The following RNF150 variants were observed in gnomAD, a reference collection of about 807,000 sequenced individuals.
RNF150 encodes ring finger protein 150.
A neutral mutation model predicts 39.3 loss-of-function variants in RNF150; 24 were observed. That is an observed-to-expected ratio of 0.61 (90% CI 0.44 to 0.86). RNF150 has a LOEUF of 0.86. Ranked by LOEUF, RNF150 falls within the 40% of genes least tolerant of loss-of-function variation. RNF150 has a pLI of 0.00. For synonymous variants in RNF150, 255 were observed against 227.3 expected (o/e 1.12, Z -1.10); for missense variants, 502 against 587.8 (o/e 0.85, Z 1.51).
At chr4:141,196,611 A>C (rs1397247777) in intron 1 of RNF150, among the ~76,000 whole-genome samples, 1 of 152,192 alleles carries the variant, frequency 6.6e-6, no homozygotes, top group East Asian at 1.9e-4. Context: ...AGTTAGAAAG[A>C]GTTGGTATTT....
intron 1 of RNF150, among the ~76,000 whole-genome samples, chr4:141,204,026 C>A (rs1728336461): frequency 6.6e-6 from 1 of 152,086 alleles, no homozygotes; most frequent in Non-Finnish European, 1.5e-5. Flanking sequence ...CATTCAGGAA[C>A]TGAAAGCAGC....
At position 141,196,765 on chromosome 4, in the gene RNF150, T is replaced by C. The variant is rs186901742; in HGVS notation, c.-6+16029A>G. Among the ~76,000 whole-genome samples, 10 of 152,286 alleles carry C rather than the reference T, an allele frequency of 6.6e-5. No homozygotes were observed. In the East Asian group the frequency reaches 1.9e-3, roughly 29 times the overall value. On this transcript the variant is annotated intron_variant, in intron 1 of 7. Transcript: ENST00000420921. ...AAGATATGCATTTTAGTATCCCCTT[T>C]AGCTTTAAAGATTGACCCTTTTAAT...
chr4:141,058,526 T>G (rs538374827), intron 1 of RNF150, among the ~76,000 whole-genome samples: 1 of 152,308 alleles, frequency 6.6e-6, no homozygotes, highest in African/African-American at 2.4e-5. Context: ...TTGCCGAATA[T>G]TCCACCTTCA....
At chr4:141,057,816 C>T (rs113927423) in intron 1 of RNF150, among the ~76,000 whole-genome samples, 6 of 152,208 alleles carry the variant, frequency 3.9e-5, no homozygotes, top group Non-Finnish European at 5.9e-5. Flanking sequence ...CCTGTCCCAT[C>T]GATAAGACCA....
At chr4:141,148,399 T>TGTCA (rs774665939) in intron 1 of RNF150, among the ~76,000 whole-genome samples, 2 of 152,222 alleles carry the variant, frequency 1.3e-5, no homozygotes, top group Non-Finnish European at 2.9e-5. Context: ...TTTTTATTTC[T>TGTCA]GTCAGTAACT....
In RNF150 at chr4:140,909,528, G is replaced by A. The variant is rs1210098716; in HGVS notation, c.1198+1616C>T. Reference sequence around the variant, plus strand: ...AAACATTCTGAAACATGCTGTAAGTGTAAATGAAATACACACCAGATTCTG... The same window carrying A: ...AAACATTCTGAAACATGCTGTAAGTATAAATGAAATACACACCAGATTCTG... On this transcript the variant is annotated intron_variant, in intron 6 of 6. Transcript: ENST00000515673. Among the ~76,000 whole-genome samples, 3 of 151,350 alleles carry A rather than the reference G, an allele frequency of 2.0e-5. No homozygotes were observed. In the Admixed American group the frequency reaches 2.0e-4, roughly 10 times the overall value.
intron 1 of RNF150, among the ~76,000 whole-genome samples, chr4:141,208,515 G>A (rs1358595831): frequency 1.3e-5 from 2 of 152,184 alleles, no homozygotes; most frequent in African/African-American, 2.4e-5. Flanking sequence ...ACCCTGTCAG[G>A]ATATTTTTTC....
intron 5 of RNF150, among the ~76,000 whole-genome samples, chr4:140,918,634 G>T (rs12331146): frequency 0.55 from 82,983 of 150,924 alleles, 23,299 homozygotes; most frequent in East Asian, 0.89. Flanking sequence ...CATTCCTTCT[G>T]AAACTATTCC....
chr4:141,005,601 T>C (rs960120344), intron 1 of RNF150, among the ~76,000 whole-genome samples: 6 of 152,002 alleles, frequency 3.9e-5, no homozygotes, highest in Non-Finnish European at 8.8e-5. Context: ...ACTGCACAAG[T>C]ACTTAGAATA....
At chr4:140,985,368 C>A (rs1420955825) in intron 1 of RNF150, among the ~76,000 whole-genome samples, 1 of 152,094 alleles carries the variant, frequency 6.6e-6, no homozygotes, top group Non-Finnish European at 1.5e-5. Context: ...AACTGCCTAT[C>A]TGAAGGGAGA....
chr4:140,878,039 G>A (rs1729225205), intron 6 of RNF150, among the ~76,000 whole-genome samples: 2 of 152,098 alleles, frequency 1.3e-5, no homozygotes, highest in South Asian at 4.1e-4. Context: ...TGGTTTCAAT[G>A]AGATCAGAGG....
intron 1 of RNF150, among the ~76,000 whole-genome samples, chr4:141,016,147 G>A (rs945032488): frequency 1.3e-5 from 2 of 151,870 alleles, no homozygotes; most frequent in Non-Finnish European, 2.9e-5. Context: ...TACTGCGTCC[G>A]TCCCTGACAA....
At chr4:141,029,983 T>G (rs1430121599) in intron 1 of RNF150, among the ~76,000 whole-genome samples, 1 of 151,672 alleles carries the variant, frequency 6.6e-6, no homozygotes, top group Non-Finnish European at 1.5e-5. Context: ...GATCACAAGG[T>G]CAGGAGATGG....
intron 1 of RNF150, among the ~76,000 whole-genome samples, chr4:141,089,286 A>G (rs1203366023): frequency 6.6e-6 from 1 of 152,100 alleles, no homozygotes. Context: ...TAGGATTCCT[A>G]CTACTATTGC....
At chr4:141,093,484 G>A (rs1738671520) in intron 1 of RNF150, among the ~76,000 whole-genome samples, 1 of 152,158 alleles carries the variant, frequency 6.6e-6, no homozygotes, top group African/African-American at 2.4e-5. Flanking sequence ...AGAAGAGTTA[G>A]CAGTTGGGGT....
intron 1 of RNF150, among the ~76,000 whole-genome samples, chr4:141,030,159 A>C (rs1735879082): frequency 6.6e-6 from 1 of 151,700 alleles, no homozygotes; most frequent in Non-Finnish European, 1.5e-5. Flanking sequence ...ACGCCACTGC[A>C]CTCCAGCCTG....
intron 6 of RNF150, among the ~76,000 whole-genome samples, chr4:140,878,416 C>T (rs1340083940): frequency 6.6e-6 from 1 of 152,016 alleles, no homozygotes; most frequent in Non-Finnish European, 1.5e-5. Flanking sequence ...AGTTGATTCA[C>T]CTGCCCTTGG....
At chr4:141,029,372 A>G (rs1735839321) in intron 1 of RNF150, among the ~76,000 whole-genome samples, 1 of 152,184 alleles carries the variant, frequency 6.6e-6, no homozygotes, top group Non-Finnish European at 1.5e-5. Flanking sequence ...TCACAAACTC[A>G]GGATTTGGCA....
rs17006667 is a variant in RNF150, at chr4:140,930,776, A to G, written c.891-4703T>C. ...TCATTGTTGCCAGATTTATCTTCCT[A>G]AAATATAGCACTGGTTACGTCACCC... On this transcript the variant is annotated intron_variant, in intron 4 of 6. Transcript: ENST00000515673. 7.7e-3 allele frequency among the ~76,000 whole-genome samples: 1,173 copies of G among 152,234 alleles called. 13 individuals carry two copies. Among genetic ancestry groups the G allele is most frequent in the African/African-American group, 0.027 (1,121 of 41,530 alleles).
Sources: allele counts gnomAD v4.1 joint callset (sites outside exome capture counted in the v4.1 genomes callset), GRCh38; gene constraint gnomAD v4.1.1; transcripts MANE v1.5; gene names NCBI Gene and HGNC (gene_info 2026-07-23, HGNC 2026-07-21).